The following RCAN2 variants were observed in gnomAD, a reference collection of about 807,000 sequenced individuals.
RCAN2 encodes the protein calcipressin-2.
RCAN2 carries 9 observed loss-of-function variants against 23.6 expected under a neutral mutation model. That is an observed-to-expected ratio of 0.38 (90% CI 0.23 to 0.67). The LOEUF (loss-of-function observed/expected upper bound fraction) is 0.67. Ranked by LOEUF, RCAN2 falls within the 30% of genes least tolerant of loss-of-function variation. The probability of loss-of-function intolerance (pLI) is 0.51; values close to 1 mark genes in which losing one functional copy is unlikely to be tolerated. For missense variants in RCAN2, 273 were observed against 302.3 expected (o/e 0.90, Z 0.72); for synonymous variants, 109 against 115.7 (o/e 0.94, Z 0.37).
At chr6:46,418,199 GACAA>G (rs142272167) in intron 2 of RCAN2, among the ~76,000 whole-genome samples, 4,858 of 152,152 alleles carry the variant, frequency 0.032, 239 homozygotes, top group African/African-American at 0.11. Context: ...TAAGGTCAGA[GACAA>G]ACAACCTGAA....
intron 2 of RCAN2, among the ~76,000 whole-genome samples, chr6:46,327,852 T>C (rs1486766531): frequency 1.3e-5 from 2 of 152,190 alleles, no homozygotes; most frequent in African/African-American, 4.8e-5. Context: ...TGGGAAGACA[T>C]GCATGTAATC....
chr6:46,420,710 C>CT (rs929870526), intron 2 of RCAN2, among the ~76,000 whole-genome samples: 4 of 151,448 alleles, frequency 2.6e-5, no homozygotes, highest in African/African-American at 4.9e-5. Flanking sequence ...GGCCCGGCTA[C>CT]TTTTTTTTGT....
intron 2 of RCAN2, among the ~76,000 whole-genome samples, chr6:46,407,967 T>C (rs1221923592): frequency 1.3e-5 from 2 of 152,156 alleles, no homozygotes; most frequent in South Asian, 2.1e-4. Context: ...AGCACTGAAA[T>C]TGTCCATCTG....
chr6:46,301,549 G>A (rs1762903313), intron 2 of RCAN2, among the ~76,000 whole-genome samples: 1 of 152,078 alleles, frequency 6.6e-6, no homozygotes, highest in Admixed American at 6.6e-5. Flanking sequence ...TCTAGTCTCT[G>A]TTGAACAAGA....
intron 2 of RCAN2, among the ~76,000 whole-genome samples, chr6:46,439,087 T>C (rs1394650281): frequency 6.6e-6 from 1 of 152,204 alleles, no homozygotes; most frequent in Non-Finnish European, 1.5e-5. Flanking sequence ...TTCAAAAGAC[T>C]CTAGTCCACT....
intron 2 of RCAN2, among the ~76,000 whole-genome samples, chr6:46,375,663 A>G (rs558477795): frequency 5.8e-4 from 89 of 152,334 alleles, no homozygotes; most frequent in Middle Eastern, 3.4e-3. Flanking sequence ...TTTGCCATAA[A>G]GAGCCAGGGA....
chr6:46,464,276 T>C (rs1478100867), intron 1 of RCAN2, among the ~76,000 whole-genome samples: 2 of 152,148 alleles, frequency 1.3e-5, no homozygotes, highest in African/African-American at 2.4e-5. Flanking sequence ...GTGTTTAAAA[T>C]CCCTTCAGCT....
chr6:46,271,545 C>G (rs1301981725), intron 2 of RCAN2, among the ~76,000 whole-genome samples: 2 of 152,126 alleles, frequency 1.3e-5, no homozygotes, highest in Non-Finnish European at 2.9e-5. Flanking sequence ...TCTCAGCTAC[C>G]CAACCACAGA....
intron 2 of RCAN2, among the ~76,000 whole-genome samples, chr6:46,387,767 G>T (rs1282483668): frequency 2.0e-5 from 3 of 152,144 alleles, no homozygotes; most frequent in Non-Finnish European, 4.4e-5. Context: ...ATACCCAAAG[G>T]ATTATAAATC....
chr6:46,241,205 G>A (rs1766295070), intron 4 of RCAN2, among the ~76,000 whole-genome samples: 1 of 152,160 alleles, frequency 6.6e-6, no homozygotes, highest in African/African-American at 2.4e-5. Flanking sequence ...GCCAGGCTGG[G>A]TTTTTATTTT....
At chr6:46,398,352 G>A (rs917967304) in intron 2 of RCAN2, among the ~76,000 whole-genome samples, 2 of 152,062 alleles carry the variant, frequency 1.3e-5, no homozygotes, top group African/African-American at 4.8e-5. Context: ...CAAGTTCCTC[G>A]TAGACTAGTG....
At chr6:46,280,403 A>G (rs1024207259) in intron 2 of RCAN2, among the ~76,000 whole-genome samples, 1 of 151,986 alleles carries the variant, frequency 6.6e-6, no homozygotes, top group Non-Finnish European at 1.5e-5. Flanking sequence ...CAAGATGTCA[A>G]CCCTTAACGG....
intron 2 of RCAN2, among the ~76,000 whole-genome samples, chr6:46,363,717 C>T (rs1423254761): frequency 1.3e-5 from 2 of 151,948 alleles, no homozygotes; most frequent in Non-Finnish European, 2.9e-5. Context: ...TGGGGATTAC[C>T]TCTATCATTT....
intron 1 of RCAN2, among the ~76,000 whole-genome samples, chr6:46,490,521 T>A (rs1007117863): frequency 6.6e-6 from 1 of 152,138 alleles, no homozygotes. Flanking sequence ...ATCAGGCGGC[T>A]GGGATTTGCC....
At chr6:46,280,182 A>G (rs553480210) in intron 2 of RCAN2, among the ~76,000 whole-genome samples, 21 of 152,226 alleles carry the variant, frequency 1.4e-4, no homozygotes, top group Non-Finnish European at 1.9e-4. Flanking sequence ...GAGCAGTGCC[A>G]TAATATCCCA....
At chr6:46,226,205 G>A (rs959178793) in intron 4 of RCAN2, among the ~76,000 whole-genome samples, 8 of 152,234 alleles carry the variant, frequency 5.3e-5, no homozygotes, top group African/African-American at 1.9e-4. Flanking sequence ...AGTATAGTTT[G>A]AAGTCAGGTA....
chr6:46,452,750 T>C (rs796307379), intron 2 of RCAN2, among the ~76,000 whole-genome samples: 5 of 152,308 alleles, frequency 3.3e-5, no homozygotes, highest in African/African-American at 1.2e-4. Context: ...CCTGGCACCA[T>C]GCCAAATGCT....
rs143019953 is a variant in RCAN2, at chr6:46,242,451, C to G, written c.571+4297G>C. ...CTCACTCTGGATCCCTGCTCCATAACGTTCTTTCTTTAGACTGACTTTTTC... is the reference window on the plus strand; with the variant it reads ...CTCACTCTGGATCCCTGCTCCATAAGGTTCTTTCTTTAGACTGACTTTTTC... On this transcript the variant is annotated intron_variant, in intron 4 of 4. Transcript: ENST00000371374. 3.9e-3 allele frequency among the ~76,000 whole-genome samples: 587 copies of G among 152,326 alleles called. 1 individual carries two copies. The highest frequency in any genetic ancestry group is 8.4e-3 in the Admixed American group (128 of 15,292).
chr6:46,326,775 C>A (rs926294646), intron 2 of RCAN2, among the ~76,000 whole-genome samples: 1 of 152,168 alleles, frequency 6.6e-6, no homozygotes, highest in Non-Finnish European at 1.5e-5. Flanking sequence ...TATGACTGGA[C>A]AAAAGCCTCC....
Sources: gnomAD v4.1 joint callset for allele counts (sites outside exome capture counted in the v4.1 genomes callset) on GRCh38, gnomAD v4.1.1 for gene constraint, MANE v1.5 for transcripts, NCBI Gene and HGNC (gene_info 2026-07-23, HGNC 2026-07-21) for gene names.